Variants in SPG7 observed in about 807,000 individuals in gnomAD.
SPG7 encodes mitochondrial inner membrane m-AAA protease component paraplegin.
Under a neutral mutation model 81.9 loss-of-function variants are expected in SPG7, and 103 were observed. That is an observed-to-expected ratio of 1.26 (90% CI 1.07 to 1.48). SPG7 has a LOEUF of 1.48. Among genes scored for constraint, SPG7 ranks in the 40% most tolerant of loss-of-function variants. The probability of loss-of-function intolerance (pLI) is 0.00; values close to 1 mark genes in which losing one functional copy is unlikely to be tolerated. For missense variants in SPG7, 1,241 were observed against 1,087.3 expected, an observed-to-expected ratio of 1.14 and a Z score of -1.99; for synonymous variants, 534 against 444.2, an observed-to-expected ratio of 1.20 and a Z score of -2.54.
chr16:89,529,749 G>A (rs913536528), intron 6 of SPG7, 170 bp downstream of exon 6: 10 of 681,996 alleles, frequency 1.5e-5, no homozygotes, highest in East Asian at 2.7e-5. Context: ...GCTGTAAGGC[G>A]TGTAGTAACC....
In SPG7 at chr16:89,537,577, G is replaced by T. The variant is rs2058443156; in HGVS notation, c.1324+4941G>T. On this transcript the variant is annotated intron_variant, in intron 9 of 16. Coordinates refer to ENST00000645818, the MANE Select transcript of SPG7 (RefSeq NM_003119.4). ...GACAGGGTGTCGTTCTGTCGCCCAG[G>T]CTGGAGTGCAGTGCCACCATCATAG... The T allele has an allele frequency of 4.1e-6, 4 of 981,770 alleles. No homozygotes were observed. The African/African-American group carries it at 5.3e-5, about 13-fold the overall frequency. The allele number at this position is 981,770 out of a possible 1,614,324, so 60.8% of individuals were successfully genotyped here. A position where few individuals can be genotyped will look rare whatever the true frequency, so the allele number is the denominator to read the frequency against.
At position 89,557,084 on chromosome 16, in the gene SPG7, G is replaced by A; in HGVS notation, c.2379G>A (p.Trp793Ter). 6.2e-7 allele frequency: 1 copy of A among 1,611,284 alleles called. No homozygotes were observed. The highest frequency in any genetic ancestry group is 8.5e-7 in the Non-Finnish European group (1 of 1,179,864). ...QPPLGGEEPT[W>*]PK is the part of the protein sequence containing the mutation. Reference sequence around the variant, plus strand: ...CACTTGGAGGCGAAGAGCCGACTTGGCCCAAGTAGTTGGGAGGTGTTGGCT... The same window carrying A: ...CACTTGGAGGCGAAGAGCCGACTTGACCCAAGTAGTTGGGAGGTGTTGGCT... The change falls in exon 17 of 17, where the codon TGG becomes TGA. Residue 793 changes from tryptophan to a stop codon, truncating the protein, a stop_gained. Coordinates refer to ENST00000645818, the MANE Select transcript of SPG7 (RefSeq NM_003119.4). LOFTEE classifies it high-confidence loss of function.
At chr16:89,539,791 T>C (rs2058472815) in intron 9 of SPG7, 1 of 152,150 alleles carries the variant, frequency 6.6e-6, no homozygotes, top group Admixed American at 6.5e-5. Flanking sequence ...CCCAGCCTGC[T>C]CTTGAACTCC....
At chr16:89,532,662 C>G (rs755924457) in intron 9 of SPG7, 26 bp downstream of exon 9, 43 of 1,612,190 alleles carry the variant, frequency 2.7e-5, no homozygotes, top group Non-Finnish European at 3.4e-5. Context: ...CCCCGCACCC[C>G]CATTGCACCA....
chr16:89,528,898 A>G (rs1329045594), intron 5 of SPG7: 2 of 173,744 alleles, frequency 1.2e-5, no homozygotes, highest in Admixed American at 5.4e-5. Flanking sequence ...TGCAGCCTTC[A>G]CCTCCTAGGT....
intron 9 of SPG7, chr16:89,537,718 G>A (rs1172961043): frequency 1.0e-6 from 1 of 985,242 alleles, no homozygotes; most frequent in Non-Finnish European, 1.2e-6. Context: ...TCATCAGCAT[G>A]TGAGCTTGGC....
intron 14 of SPG7, 38 bp downstream of exon 14, chr16:89,553,173 C>T (rs760468383): frequency 2.6e-6 from 4 of 1,562,726 alleles, no homozygotes; most frequent in East Asian, 2.4e-5. Flanking sequence ...GGTTTCAGAG[C>T]GCTTTTCCCT....
chr16:89,518,715 C>T (rs1433411804), intron 3 of SPG7: 1 of 152,094 alleles, frequency 6.6e-6, no homozygotes, highest in Non-Finnish European at 1.5e-5. Flanking sequence ...TTTTATACAG[C>T]ATTCTCTAAA....
chr16:89,515,724 T>TG (rs1555610015), intron 3 of SPG7, among the ~76,000 whole-genome samples: 2,683 of 149,124 alleles, frequency 0.018, 84 homozygotes, highest in African/African-American at 0.061. Flanking sequence ...TATTTTTTTT[T>TG]TTGAGATGGG....
At chr16:89,532,983 T>C (rs974940518) in intron 9 of SPG7, 7 of 322,022 alleles carry the variant, frequency 2.2e-5, no homozygotes, top group African/African-American at 4.5e-5. Context: ...CTCTGGAGAA[T>C]CGCTTGAACT....
intron 12 of SPG7, chr16:89,548,789 A>G (rs1014709351): frequency 7.9e-6 from 3 of 381,338 alleles, no homozygotes; most frequent in Non-Finnish European, 1.1e-5. Flanking sequence ...CCCAGACGTG[A>G]TCAGTCATCT....
At chr16:89,543,065 A>T (rs2152408521) in intron 9 of SPG7, 1 of 145,182 alleles carries the variant, frequency 6.9e-6, no homozygotes, top group African/African-American at 2.6e-5. Flanking sequence ...CTCCTGCTTC[A>T]GCCTCCGGAG....
chr16:89,529,005 G>T (rs1211124072), intron 5 of SPG7: 1 of 219,412 alleles, frequency 4.6e-6, no homozygotes, highest in South Asian at 6.3e-5. Flanking sequence ...GTAGATATGG[G>T]GTTTTACCAT....
intron 2 of SPG7, among the ~76,000 whole-genome samples, chr16:89,511,348 G>C (rs1395733990): frequency 6.6e-6 from 1 of 152,102 alleles, no homozygotes; most frequent in African/African-American, 2.4e-5. Flanking sequence ...GACATTCTTT[G>C]GTCTCTCTTG....
chr16:89,540,351 C>T (rs1245276387), intron 9 of SPG7: 1 of 152,116 alleles, frequency 6.6e-6, no homozygotes, highest in Non-Finnish European at 1.5e-5. Context: ...TTTTGCGCGT[C>T]TGAGTTGGAA....
intron 8 of SPG7, among the ~76,000 whole-genome samples, 177 bp downstream of exon 8, chr16:89,532,243 A>G (rs1240281535): frequency 6.6e-6 from 1 of 152,248 alleles, no homozygotes; most frequent in East Asian, 1.9e-4. Flanking sequence ...TGTTTGCTTC[A>G]AAGCCACCGT....
chr16:89,538,400 G>A (rs2058454866), intron 9 of SPG7: 1 of 152,250 alleles, frequency 6.6e-6, no homozygotes, highest in African/African-American at 2.4e-5. Context: ...TGGACAGTGA[G>A]CCTGGGGGAC....
intron 9 of SPG7, among the ~76,000 whole-genome samples, chr16:89,534,519 G>A (rs978334013): frequency 3.3e-5 from 5 of 152,250 alleles, no homozygotes; most frequent in African/African-American, 9.6e-5. Context: ...TTTAGGTATT[G>A]TAGATGAGGG....
intron 16 of SPG7, 82 bp from the exon 17 acceptor site, chr16:89,556,805 A>G (rs1272458409): frequency 9.0e-7 from 1 of 1,116,794 alleles, no homozygotes. Flanking sequence ...ACAGGCCCTC[A>G]CGCCTCTTGC....
Sources: allele counts gnomAD v4.1 joint callset (sites outside exome capture counted in the v4.1 genomes callset), GRCh38; gene constraint gnomAD v4.1.1; transcripts MANE v1.5; gene names NCBI Gene and HGNC (gene_info 2026-07-23, HGNC 2026-07-21).